SPMIP10: variants seen among roughly 807,000 people sequenced by gnomAD.
SPMIP10 encodes sperm microtubule inner protein 10.
chr5:126,634,697 T>G, the SPMIP10 span, among the ~76,000 whole-genome samples: 1 of 152,220 alleles, frequency 6.6e-6, no homozygotes, highest in Admixed American at 6.5e-5. Context: ...CAGAGCTATT[T>G]TACTTTTGCA....
At chr5:126,635,865 T>G in the SPMIP10 span, among the ~76,000 whole-genome samples, 2 of 152,142 alleles carry the variant, frequency 1.3e-5, no homozygotes, top group African/African-American at 2.4e-5. Flanking sequence ...TCTTGCTCTG[T>G]TGCCCAGGCT....
the SPMIP10 span, among the ~76,000 whole-genome samples, chr5:126,633,447 T>C: frequency 6.6e-6 from 1 of 152,006 alleles, no homozygotes; most frequent in East Asian, 1.9e-4. Context: ...TGCAGCCTCA[T>C]CTGCTGAGCT....
the SPMIP10 span, chr5:126,632,547 T>C: frequency 2.6e-6 from 4 of 1,543,920 alleles, no homozygotes; most frequent in Non-Finnish European, 3.6e-6. Context: ...AATCATCAGG[T>C]ATGAAGAGAT....
chr5:126,632,669 G>T, the SPMIP10 span: 1 of 1,446,682 alleles, frequency 6.9e-7, no homozygotes, highest in South Asian at 1.1e-5. Flanking sequence ...TTCCCCATAA[G>T]CACACATAAG....
At chr5:126,632,665 A>G in the SPMIP10 span, 68 of 1,446,900 alleles carry the variant, frequency 4.7e-5, no homozygotes, top group African/African-American at 8.8e-4. Context: ...GTATTTCCCC[A>G]TAAGCACACA....
the SPMIP10 span, among the ~76,000 whole-genome samples, chr5:126,633,008 C>CATATACATATATATATATAT: frequency 1.5e-4 from 19 of 125,334 alleles, no homozygotes; most frequent in African/African-American, 6.2e-4. Flanking sequence ...ATAAATTTTA[C>CATATACATATATATATATAT]ATATATATAT....
chr5:126,632,235 C>A, the SPMIP10 span, among the ~76,000 whole-genome samples: 1 of 112,426 alleles, frequency 8.9e-6, no homozygotes, highest in African/African-American at 3.5e-5. Flanking sequence ...CCCAGCTGGG[C>A]ATGATAATGC....
chr5:126,631,786 T>A, the SPMIP10 span: 1 of 1,612,460 alleles, frequency 6.2e-7, no homozygotes, highest in African/African-American at 1.3e-5. Context: ...CACTAACAAC[T>A]GCTCTGATGA....
At chr5:126,633,008 C>CATATATATAT in the SPMIP10 span, among the ~76,000 whole-genome samples, 586 of 125,304 alleles carry the variant, frequency 4.7e-3, 14 homozygotes, top group East Asian at 0.016. Flanking sequence ...ATAAATTTTA[C>CATATATATAT]ATATATATAT....
chr5:126,634,521 A>G, the SPMIP10 span, among the ~76,000 whole-genome samples: 1 of 152,216 alleles, frequency 6.6e-6, no homozygotes, highest in East Asian at 1.9e-4. Flanking sequence ...GTCATTTTCA[A>G]TGCCCTAAGT....
At chr5:126,635,053 A>G in the SPMIP10 span, among the ~76,000 whole-genome samples, 1 of 151,594 alleles carries the variant, frequency 6.6e-6, no homozygotes, top group African/African-American at 2.4e-5. Flanking sequence ...CTGTAGTCCC[A>G]GCTACTTGGG....
chr5:126,633,133 A>C, the SPMIP10 span, among the ~76,000 whole-genome samples: 1 of 151,476 alleles, frequency 6.6e-6, no homozygotes, highest in Admixed American at 6.6e-5. Context: ...TATCTGTTTA[A>C]ATAACCTAAT....
chr5:126,632,583 C>T, the SPMIP10 span: 1 of 1,611,338 alleles, frequency 6.2e-7, no homozygotes, highest in African/African-American at 1.3e-5. Context: ...TTCATTAAAG[C>T]AAGGGATGAT....
chr5:126,631,959 A>C, the SPMIP10 span: 1 of 612,716 alleles, frequency 1.6e-6, no homozygotes, highest in Non-Finnish European at 2.9e-6. Context: ...ATATGTGTGC[A>C]GGGAAAGCAA....
the SPMIP10 span, among the ~76,000 whole-genome samples, chr5:126,633,897 G>T: frequency 3.3e-5 from 5 of 152,026 alleles, no homozygotes; most frequent in East Asian, 9.7e-4. Context: ...GGGCCCAAGC[G>T]ATTCTCCTGC....
the SPMIP10 span, among the ~76,000 whole-genome samples, chr5:126,633,516 C>T: frequency 6.6e-6 from 1 of 151,862 alleles, no homozygotes; most frequent in Non-Finnish European, 1.5e-5. Flanking sequence ...CACATCACCA[C>T]ACCTTGCTAG....
At chr5:126,632,440 C>G in the SPMIP10 span, 1 of 683,026 alleles carries the variant, frequency 1.5e-6, no homozygotes, top group East Asian at 2.7e-5. Flanking sequence ...TGTCCTGCAA[C>G]AGCAGGGGAC....
At chr5:126,634,171 C>T in the SPMIP10 span, among the ~76,000 whole-genome samples, 1 of 152,182 alleles carries the variant, frequency 6.6e-6, no homozygotes, top group Non-Finnish European at 1.5e-5. Context: ...GTGGCTCATG[C>T]CTGTGATCCT....
chr5:126,632,694 A>G, the SPMIP10 span: 1 of 1,229,092 alleles, frequency 8.1e-7, no homozygotes. Flanking sequence ...AAAAACAAAA[A>G]CAAAAACATT....
Sources: allele counts gnomAD v4.1 joint callset (sites outside exome capture counted in the v4.1 genomes callset), GRCh38; gene constraint gnomAD v4.1.1; transcripts MANE v1.5; gene names NCBI Gene and HGNC (gene_info 2026-07-23, HGNC 2026-07-21).